Variants in NWD2 observed in about 807,000 individuals in gnomAD.
NWD2 encodes the protein NACHT and WD repeat domain-containing protein 2.
NWD2 carries 37 observed loss-of-function variants against 132.7 expected under a neutral mutation model. The ratio of observed to expected loss-of-function variants is 0.28; its 90% CI spans 0.21 to 0.37. The LOEUF is 0.37. Ranked by LOEUF, NWD2 falls within the 10% of genes least tolerant of loss-of-function variation. NWD2 has a pLI of 1.00. For missense variants in NWD2, 1,592 were observed against 2,122.4 expected (o/e 0.75, Z 4.91); for synonymous variants, 705 against 803.0 (o/e 0.88, Z 2.06).
chr4:37,266,207 G>A (rs930378886), intron 1 of NWD2, among the ~76,000 whole-genome samples: 7 of 152,042 alleles, frequency 4.6e-5, no homozygotes, highest in African/African-American at 1.4e-4. Flanking sequence ...AGACATTTTG[G>A]TTGCAGGTGA....
At chr4:37,337,244 T>C (rs1275181392) in intron 2 of NWD2, among the ~76,000 whole-genome samples, 3 of 152,156 alleles carry the variant, frequency 2.0e-5, no homozygotes. Context: ...TTCGGAATCT[T>C]AAATTAATAG....
chr4:37,342,323 C>T (rs1253856936), intron 2 of NWD2, among the ~76,000 whole-genome samples: 1 of 152,094 alleles, frequency 6.6e-6, no homozygotes, highest in Admixed American at 6.6e-5. Flanking sequence ...TTGCCTTCCA[C>T]CATGAGTAAA....
chr4:37,269,875 A>C (rs1717833007), intron 1 of NWD2, among the ~76,000 whole-genome samples: 1 of 151,800 alleles, frequency 6.6e-6, no homozygotes, highest in South Asian at 2.1e-4. Flanking sequence ...CTCTGAGTGG[A>C]ATTTCTAGCT....
At chr4:37,314,818 G>A (rs1718927169) in intron 1 of NWD2, among the ~76,000 whole-genome samples, 2 of 151,986 alleles carry the variant, frequency 1.3e-5, no homozygotes, top group Non-Finnish European at 2.9e-5. Context: ...TTTGGGTTCA[G>A]TTTGTTTAAA....
chr4:37,389,291 A>T (rs1720635246), intron 3 of NWD2, among the ~76,000 whole-genome samples: 1 of 152,198 alleles, frequency 6.6e-6, no homozygotes, highest in South Asian at 2.1e-4. Flanking sequence ...CTTTGAATGT[A>T]CCCACTTTGA....
intron 3 of NWD2, among the ~76,000 whole-genome samples, chr4:37,401,342 T>C (rs1720891365): frequency 6.8e-6 from 1 of 147,716 alleles, no homozygotes; most frequent in Non-Finnish European, 1.5e-5. Context: ...GAAAAACTGC[T>C]CTCCAGAGAT....
At chr4:37,369,281 T>A (rs1339299480) in intron 3 of NWD2, among the ~76,000 whole-genome samples, 1 of 152,204 alleles carries the variant, frequency 6.6e-6, no homozygotes, top group Non-Finnish European at 1.5e-5. Flanking sequence ...AGGTTTTTTT[T>A]AATGAATTTA....
chr4:37,303,323 T>C (rs890357048), intron 1 of NWD2, among the ~76,000 whole-genome samples: 1 of 152,216 alleles, frequency 6.6e-6, no homozygotes, highest in Admixed American at 6.5e-5. Context: ...TCTGTTTTTA[T>C]ACCAGTATCA....
intron 3 of NWD2, among the ~76,000 whole-genome samples, chr4:37,416,946 A>G (rs2109321296): frequency 6.6e-6 from 1 of 152,006 alleles, no homozygotes; most frequent in South Asian, 2.1e-4. Flanking sequence ...AACTGGGGGG[A>G]AAGGGTGGGA....
At chr4:37,294,160 G>A (rs764812197) in intron 1 of NWD2, among the ~76,000 whole-genome samples, 1 of 152,092 alleles carries the variant, frequency 6.6e-6, no homozygotes, top group Non-Finnish European at 1.5e-5. Context: ...AAATGTGAGA[G>A]CTTCCAATCT....
intron 1 of NWD2, among the ~76,000 whole-genome samples, chr4:37,251,197 T>C (rs1717353036): frequency 6.6e-6 from 1 of 152,188 alleles, no homozygotes; most frequent in Non-Finnish European, 1.5e-5. Context: ...GAGAAATGCT[T>C]GAGCCTGGGA....
intron 1 of NWD2, among the ~76,000 whole-genome samples, chr4:37,290,299 T>A (rs141724464): frequency 3.3e-4 from 51 of 152,264 alleles, no homozygotes; most frequent in African/African-American, 1.2e-3. Context: ...CTATTAACCA[T>A]TAATTATATT....
chr4:37,412,048 G>C (rs532561145), intron 3 of NWD2, among the ~76,000 whole-genome samples: 6 of 152,192 alleles, frequency 3.9e-5, no homozygotes, highest in African/African-American at 1.4e-4. Flanking sequence ...GGCAAAAACT[G>C]GAAGCATTCC....
At chr4:37,395,740 C>T (rs1720779642) in intron 3 of NWD2, among the ~76,000 whole-genome samples, 1 of 151,740 alleles carries the variant, frequency 6.6e-6, no homozygotes, top group Non-Finnish European at 1.5e-5. Context: ...TACTATTTCT[C>T]CGTTTTTCAG....
chr4:37,307,839 A>G (rs960900528), intron 1 of NWD2, among the ~76,000 whole-genome samples: 1 of 152,094 alleles, frequency 6.6e-6, no homozygotes, highest in African/African-American at 2.4e-5. Flanking sequence ...GGATTTTGTC[A>G]AAAGACCTGT....
chr4:37,356,870 ATTT>A (rs1719881890), intron 3 of NWD2, among the ~76,000 whole-genome samples: 1 of 152,158 alleles, frequency 6.6e-6, no homozygotes, highest in African/African-American at 2.4e-5. Flanking sequence ...AATTTCTGGC[ATTT>A]TTTAACAAAA....
At chr4:37,314,374 A>C (rs905460869) in intron 1 of NWD2, among the ~76,000 whole-genome samples, 2 of 152,188 alleles carry the variant, frequency 1.3e-5, no homozygotes, top group Non-Finnish European at 2.9e-5. Context: ...TTGTCTTTAT[A>C]TAATTTACCA....
At position 37,448,691 on chromosome 4, in the gene NWD2, C is replaced by A. The variant is rs954790413; in HGVS notation, c.*1474C>A. On this transcript the variant is annotated 3_prime_UTR_variant, in exon 7 of 7. Coordinates refer to ENST00000309447, the MANE Select transcript of NWD2 (RefSeq NM_001144990.2). ...TGATTTGCTCTAGGCCCAGCTCTGCCATAAACTCATTGTGTATTCCTAGAC... is the reference window on the plus strand; with the variant it reads ...TGATTTGCTCTAGGCCCAGCTCTGCAATAAACTCATTGTGTATTCCTAGAC... The A allele has an allele frequency of 4.6e-5, 7 of 152,168 alleles. No individual in the cohort carries two copies. The highest frequency in any genetic ancestry group is 1.7e-4 in the African/African-American group (7 of 41,446). 9.4% of individuals were successfully genotyped at this position (152,168 alleles called of 1,614,324 possible).
intron 3 of NWD2, among the ~76,000 whole-genome samples, chr4:37,418,883 G>A (rs571138544): frequency 5.9e-5 from 9 of 151,826 alleles, no homozygotes; most frequent in African/African-American, 7.2e-5. Context: ...GGTGTAAGAC[G>A]GTATCTCATT....
Sources: allele counts gnomAD v4.1 joint callset (sites outside exome capture counted in the v4.1 genomes callset), GRCh38; gene constraint gnomAD v4.1.1; transcripts MANE v1.5; gene names NCBI Gene and HGNC (gene_info 2026-07-23, HGNC 2026-07-21).